NCALD: variants seen among roughly 807,000 people sequenced by gnomAD.
The protein encoded by NCALD is neurocalcin delta, also known as neurocalcin-delta.
Under a neutral mutation model 18.6 loss-of-function variants are expected in NCALD, and 10 were observed. The ratio of observed to expected loss-of-function variants is 0.54; its 90% CI spans 0.33 to 0.91. NCALD has a LOEUF of 0.91. Ranked by LOEUF, NCALD falls within the 40% of genes least tolerant of loss-of-function variation. NCALD has a pLI of 0.03. For synonymous variants in NCALD, 88 were observed against 87.4 expected (o/e 1.01, Z -0.04); for missense variants, 184 against 247.6 (o/e 0.74, Z 1.72).
At chr8:101,776,121 T>G (rs948814679) in intron 1 of NCALD, among the ~76,000 whole-genome samples, 3 of 152,180 alleles carry the variant, frequency 2.0e-5, no homozygotes, top group African/African-American at 7.2e-5. Context: ...TCCACTGAGA[T>G]GTCTTTAGTA....
intron 2 of NCALD, among the ~76,000 whole-genome samples, chr8:101,942,587 G>A (rs945539070): frequency 6.6e-6 from 1 of 152,222 alleles, no homozygotes; most frequent in South Asian, 2.1e-4. Flanking sequence ...AGGAAGAGCT[G>A]AGTTTGGGGC....
chr8:101,839,239 G>A (rs994048866), intron 4 of NCALD, among the ~76,000 whole-genome samples: 1 of 152,088 alleles, frequency 6.6e-6, no homozygotes, highest in African/African-American at 2.4e-5. Flanking sequence ...TGTTGGCATC[G>A]GGGAGAGAGG....
intron 1 of NCALD, among the ~76,000 whole-genome samples, chr8:102,072,466 C>A (rs771332153): frequency 6.6e-6 from 1 of 152,110 alleles, no homozygotes; most frequent in Non-Finnish European, 1.5e-5. Flanking sequence ...CATTTTTCAA[C>A]CTTCCAAAAA....
At chr8:101,797,908 C>T (rs912358790) in intron 4 of NCALD, among the ~76,000 whole-genome samples, 6 of 151,794 alleles carry the variant, frequency 4.0e-5, no homozygotes, top group Admixed American at 3.3e-4. Flanking sequence ...TTCTGAGACC[C>T]ATGGGACTAT....
At chr8:101,726,136 G>C (rs899456634) in intron 1 of NCALD, among the ~76,000 whole-genome samples, 4 of 152,186 alleles carry the variant, frequency 2.6e-5, no homozygotes, top group Non-Finnish European at 4.4e-5. Flanking sequence ...ATGAGGTGGG[G>C]GAGGAGATGA....
intron 1 of NCALD, among the ~76,000 whole-genome samples, chr8:102,065,836 A>G (rs1823991604): frequency 6.6e-6 from 1 of 152,190 alleles, no homozygotes; most frequent in South Asian, 2.1e-4. Flanking sequence ...AAAGTAATAA[A>G]TAAATAAAAT....
At chr8:102,016,657 A>T (rs73697418) in intron 2 of NCALD, among the ~76,000 whole-genome samples, 1 of 152,296 alleles carries the variant, frequency 6.6e-6, no homozygotes, top group African/African-American at 2.4e-5. Context: ...CTAATTACCA[A>T]TCTTGTTAAC....
chr8:101,867,617 T>C (rs1051895695), intron 4 of NCALD, among the ~76,000 whole-genome samples: 15 of 152,210 alleles, frequency 9.9e-5, no homozygotes, highest in Non-Finnish European at 1.6e-4. Context: ...ATTTAATTTG[T>C]AGGCTTTATT....
chr8:101,949,636 C>T (rs1328767753), intron 2 of NCALD, among the ~76,000 whole-genome samples: 1 of 152,128 alleles, frequency 6.6e-6, no homozygotes, highest in Non-Finnish European at 1.5e-5. Context: ...GTATCCTTCC[C>T]AGCCCCATCA....
intron 1 of NCALD, among the ~76,000 whole-genome samples, chr8:102,060,373 T>TA (rs1179976563): frequency 2.0e-5 from 3 of 152,222 alleles, no homozygotes; most frequent in Non-Finnish European, 4.4e-5. Flanking sequence ...TAGATCACCC[T>TA]GGATCTCTGG....
intron 2 of NCALD, among the ~76,000 whole-genome samples, chr8:101,980,620 T>C (rs1024068211): frequency 2.0e-5 from 3 of 152,170 alleles, no homozygotes; most frequent in African/African-American, 7.2e-5. Context: ...TTCACGTATT[T>C]CAAGGGCTCA....
chr8:101,700,877 G>A (rs1586239239), intron 2 of NCALD, among the ~76,000 whole-genome samples: 1 of 152,208 alleles, frequency 6.6e-6, no homozygotes, highest in African/African-American at 2.4e-5. Context: ...GAACATATGT[G>A]CAAGCAGGGC....
At chr8:101,961,834 C>G (rs778124806) in intron 2 of NCALD, among the ~76,000 whole-genome samples, 3 of 152,012 alleles carry the variant, frequency 2.0e-5, no homozygotes, top group Non-Finnish European at 2.9e-5. Flanking sequence ...ACTCTAATTT[C>G]CAAAGAAAAA....
At chr8:102,034,047 C>CAT (rs377408499) in intron 1 of NCALD, among the ~76,000 whole-genome samples, 1 of 151,090 alleles carries the variant, frequency 6.6e-6, no homozygotes, top group Admixed American at 6.6e-5. Flanking sequence ...CACACACACA[C>CAT]GCAGCTTTGT....
intron 2 of NCALD, among the ~76,000 whole-genome samples, chr8:101,714,719 G>A (rs149954489): frequency 0.036 from 5,169 of 145,258 alleles, 175 homozygotes; most frequent in Middle Eastern, 0.13. Context: ...GCTGGGGGCC[G>A]GGCACGGTGG....
chr8:102,043,005 A>C (rs1823107858), intron 1 of NCALD, among the ~76,000 whole-genome samples: 1 of 151,894 alleles, frequency 6.6e-6, no homozygotes, highest in Non-Finnish European at 1.5e-5. Flanking sequence ...ATGTAAAAGG[A>C]AGAGGAGAAC....
intron 2 of NCALD, among the ~76,000 whole-genome samples, chr8:101,978,795 C>T (rs142300713): frequency 6.6e-6 from 1 of 152,094 alleles, no homozygotes; most frequent in African/African-American, 2.4e-5. Flanking sequence ...CAAATGTGTG[C>T]TGAGGAGAGG....
At chr8:101,726,133 G>C (rs1311268879) in intron 1 of NCALD, among the ~76,000 whole-genome samples, 5 of 152,192 alleles carry the variant, frequency 3.3e-5, no homozygotes, top group African/African-American at 9.7e-5. Flanking sequence ...GGCATGAGGT[G>C]GGGGAGGAGA....
At chr8:101,797,634 G>T (rs1812688381) in intron 4 of NCALD, among the ~76,000 whole-genome samples, 1 of 152,070 alleles carries the variant, frequency 6.6e-6, no homozygotes, top group African/African-American at 2.4e-5. Context: ...TGGCCAACAT[G>T]GTGAAACACT....
Sources: allele counts gnomAD v4.1 joint callset (sites outside exome capture counted in the v4.1 genomes callset), GRCh38; gene constraint gnomAD v4.1.1; transcripts MANE v1.5; gene names NCBI Gene and HGNC (gene_info 2026-07-23, HGNC 2026-07-21).